Variants in UBE2D2 observed in about 807,000 individuals in gnomAD.
The protein encoded by UBE2D2 is ubiquitin-conjugating enzyme E2 D2.
Under a neutral mutation model 24.2 loss-of-function variants are expected in UBE2D2, and 2 were observed. The observed-to-expected ratio is 0.08, with a 90% confidence interval of 0.03 to 0.26. UBE2D2 has a LOEUF of 0.26. UBE2D2 is among the 10% of genes least tolerant of loss of function. The pLI is 1.00. For synonymous variants in UBE2D2, 58 were observed against 56.5 expected, an observed-to-expected ratio of 1.03 and a Z score of -0.12; for missense variants, 44 against 177.6, an observed-to-expected ratio of 0.25 and a Z score of 4.28.
intron 5 of UBE2D2, among the ~76,000 whole-genome samples, chr5:139,620,320 C>T (rs569898637): frequency 6.6e-6 from 1 of 152,136 alleles, no homozygotes. Context: ...ACTCTCCTTT[C>T]CTGGAAAGAA....
chr5:139,562,332 G>A (rs1224154176), intron 1 of UBE2D2: 1 of 1,345,992 alleles, frequency 7.4e-7, no homozygotes, highest in Admixed American at 1.9e-5. Flanking sequence ...CTTACCTCTT[G>A]GGTGGCAGCA....
chr5:139,594,089 T>G (rs867528146), intron 1 of UBE2D2, among the ~76,000 whole-genome samples: 18 of 152,240 alleles, frequency 1.2e-4, no homozygotes, highest in Middle Eastern at 3.2e-3. Context: ...TCTTGTTCCT[T>G]TCACCTTACA....
chr5:139,561,482 G>C lies in UBE2D2; in HGVS notation c.-310G>C, dbSNP rs1475517818. On this transcript the variant is annotated 5_prime_UTR_variant, in exon 1 of 7. Transcript: ENST00000398733. ...CTTGGGCTTTTGCTTTCTGGCGGAG[G>C]GATCTGCGGCGGTTTAGGAGGCGGC... The C allele has an allele frequency of 2.8e-6, 1 of 353,530 alleles. No individual in the cohort carries two copies. Among genetic ancestry groups the C allele is most frequent in the Non-Finnish European group, 5.1e-6 (1 of 196,160 alleles). The allele number at this position is 353,530 out of a possible 1,614,324, so 21.9% of individuals were successfully genotyped here. A position where few individuals can be genotyped will look rare whatever the true frequency, so the allele number is the denominator to read the frequency against.
intron 1 of UBE2D2, among the ~76,000 whole-genome samples, chr5:139,569,196 A>T (rs1030131232): frequency 6.6e-6 from 1 of 152,170 alleles, no homozygotes; most frequent in Non-Finnish European, 1.5e-5. Flanking sequence ...GCTTCTTCAC[A>T]TAAGTTCTGG....
intron 1 of UBE2D2, among the ~76,000 whole-genome samples, chr5:139,599,747 CAACA>C (rs1478606801): frequency 5.9e-5 from 9 of 151,756 alleles, no homozygotes; most frequent in East Asian, 2.0e-4. Context: ...AAAAAACAAA[CAACA>C]AACAAACAAA....
upstream of UBE2D2, among the ~76,000 whole-genome samples, chr5:139,560,136 C>T (rs1753042311): frequency 6.7e-6 from 1 of 150,308 alleles, no homozygotes; most frequent in African/African-American, 2.5e-5. Context: ...TGGGTTCCAG[C>T]GATTCTCCTG....
At chr5:139,549,684 C>T (rs1034465895) in intron 1 of UBE2D2, among the ~76,000 whole-genome samples, 7 of 152,226 alleles carry the variant, frequency 4.6e-5, no homozygotes, top group African/African-American at 1.4e-4. Flanking sequence ...ACCCCCTGCT[C>T]CGCGGCGCCC....
intron 1 of UBE2D2, among the ~76,000 whole-genome samples, chr5:139,567,999 G>A (rs1181512302): frequency 6.6e-6 from 1 of 152,202 alleles, no homozygotes; most frequent in Admixed American, 6.5e-5. Flanking sequence ...AGTTACCGAA[G>A]CATGATCTTA....
intron 1 of UBE2D2, among the ~76,000 whole-genome samples, chr5:139,529,059 C>G (rs185319944): frequency 2.9e-4 from 44 of 152,288 alleles, no homozygotes; most frequent in Admixed American, 2.0e-3. Flanking sequence ...CTTCCTCAGA[C>G]TGAAAACTGT....
chr5:139,619,942 C>G (rs1016758497), intron 5 of UBE2D2, among the ~76,000 whole-genome samples: 17 of 152,142 alleles, frequency 1.1e-4, no homozygotes, highest in African/African-American at 2.4e-5. Flanking sequence ...CTGCGGAGTC[C>G]TCGGGAGCTT....
chr5:139,623,527 T>A (rs188910455), intron 6 of UBE2D2, 66 bp downstream of exon 6: 15 of 1,359,158 alleles, frequency 1.1e-5, no homozygotes, highest in Non-Finnish European at 1.5e-5. Flanking sequence ...CAAATCTTTC[T>A]TGTTTAAGGG....
rs115186969 is a variant in UBE2D2, at chr5:139,539,942, G to A, written c.-64+13330G>A. Among the ~76,000 whole-genome samples the A allele has an allele frequency of 5.8e-3, 877 of 150,306 alleles. 13 individuals carry two copies. Among genetic ancestry groups the A allele is most frequent in the African/African-American group, 0.018 (754 of 40,834 alleles). ...GTACTATGTATATATTTTCTGAGAC[G>A]GAGTTTCTTTCTTGTTGCCCAGGCT... On this transcript the variant is annotated intron_variant, in intron 1 of 6. Transcript: ENST00000511725.
At chr5:139,621,744 T>A (rs1754517697) in intron 5 of UBE2D2, among the ~76,000 whole-genome samples, 1 of 152,056 alleles carries the variant, frequency 6.6e-6, no homozygotes, top group Admixed American at 6.6e-5. Context: ...CACCTCAGCC[T>A]CCTGAGTAGC....
intron 1 of UBE2D2, among the ~76,000 whole-genome samples, chr5:139,546,817 T>TCTTTCTTTCTTTCTTTCTTCCTTCCTTC (rs1203962652): frequency 1.4e-5 from 2 of 138,302 alleles, no homozygotes; most frequent in Non-Finnish European, 3.1e-5. Context: ...CTTCTTTCTT[T>TCTTTCTTTCTTTCTTTCTTCCTTCCTTC]CTTCCTTCCT....
intron 1 of UBE2D2, among the ~76,000 whole-genome samples, chr5:139,593,644 G>T (rs1753900635): frequency 1.3e-5 from 2 of 151,988 alleles, no homozygotes; most frequent in South Asian, 4.2e-4. Flanking sequence ...TAGAGATGGG[G>T]TCTCACTTTG....
intron 1 of UBE2D2, among the ~76,000 whole-genome samples, chr5:139,592,218 G>GA (rs776396025): frequency 5.4e-4 from 82 of 151,930 alleles, no homozygotes; most frequent in Non-Finnish European, 1.0e-3. Context: ...AAAGAAAAAG[G>GA]AAAAAAATGA....
intron 1 of UBE2D2, among the ~76,000 whole-genome samples, chr5:139,542,631 T>C (rs1452293482): frequency 1.3e-5 from 2 of 152,060 alleles, no homozygotes; most frequent in East Asian, 1.9e-4. Flanking sequence ...TGGCATGACA[T>C]AGTTTTGACA....
chr5:139,539,969 G>C (rs749559612), intron 1 of UBE2D2, among the ~76,000 whole-genome samples: 17 of 151,472 alleles, frequency 1.1e-4, no homozygotes, highest in Non-Finnish European at 2.4e-4. Context: ...GCCCAGGCTG[G>C]AGTGCAATAG....
At chr5:139,600,852 G>A (rs1754057560) in intron 2 of UBE2D2, among the ~76,000 whole-genome samples, 1 of 152,160 alleles carries the variant, frequency 6.6e-6, no homozygotes, top group Non-Finnish European at 1.5e-5. Context: ...GCCCGGGCTG[G>A]AGTGCAGTGG....
Sources: allele counts gnomAD v4.1 joint callset (sites outside exome capture counted in the v4.1 genomes callset), GRCh38; gene constraint gnomAD v4.1.1; transcripts MANE v1.5; gene names NCBI Gene and HGNC (gene_info 2026-07-23, HGNC 2026-07-21).